DARS1: variants seen among roughly 807,000 people sequenced by gnomAD.
The protein encoded by DARS1 is aspartate--tRNA ligase, cytoplasmic.
DARS1 carries 51 observed loss-of-function variants against 68.8 expected under a neutral mutation model. The observed-to-expected ratio is 0.74, with a 90% CI of 0.59 to 0.94. DARS1 has a LOEUF of 0.94. Among genes scored for constraint, DARS1 ranks in the 40% least tolerant of loss-of-function variants. The pLI, the probability that DARS1 is intolerant of heterozygous loss-of-function variation, is 0.00. For synonymous variants in DARS1, 203 were observed against 190.4 expected, an observed-to-expected ratio of 1.07 and a Z score of -0.55; for missense variants, 607 against 597.3, an observed-to-expected ratio of 1.02 and a Z score of -0.17.
rs976537190 is a variant in DARS1 at position 135,906,716 on chromosome 2, A to G, written c.*600T>C. On this transcript the variant is annotated 3_prime_UTR_variant, in exon 16 of 16. Transcript: ENST00000264161. ...AAATTTTATTGAAATTCAAGTTTAG[A>G]ATTTAACAAATTAATACAATATTAC... 1.3e-5 allele frequency: 2 copies of G among 152,230 alleles called. No homozygotes were observed. The highest frequency in any genetic ancestry group is 4.8e-5 in the African/African-American group (2 of 41,464). The allele number at this position is 152,230 out of a possible 1,614,324, so 9.4% of individuals were successfully genotyped here. A position where few individuals can be genotyped will look rare whatever the true frequency, so the allele number is the denominator to read the frequency against.
At chr2:135,941,193 G>A (rs1681587609) in intron 5 of DARS1, among the ~76,000 whole-genome samples, 1 of 152,164 alleles carries the variant, frequency 6.6e-6, no homozygotes, top group Admixed American at 6.5e-5. Context: ...AAAAGAGCCT[G>A]CATTGCGAAG....
intron 7 of DARS1, 115 bp downstream of exon 7, chr2:135,932,668 C>T (rs534935821): frequency 6.5e-6 from 4 of 611,090 alleles, no homozygotes; most frequent in Admixed American, 5.4e-5. Flanking sequence ...CCTGTATTAT[C>T]ATACTTACAG....
At chr2:135,936,851 T>A (rs116503734) in intron 5 of DARS1, among the ~76,000 whole-genome samples, 265 of 152,310 alleles carry the variant, frequency 1.7e-3, no homozygotes, top group African/African-American at 5.2e-3. Context: ...CTTAAATCAG[T>A]AAGTACATAT....
intron 12 of DARS1, among the ~76,000 whole-genome samples, chr2:135,913,097 T>C (rs1470697086): frequency 6.6e-6 from 1 of 151,870 alleles, no homozygotes; most frequent in African/African-American, 2.4e-5. Context: ...TTCTCCCCCA[T>C]TCTAAATTAC....
chr2:135,942,117 C>G (rs1249464350), intron 5 of DARS1, among the ~76,000 whole-genome samples: 2 of 152,164 alleles, frequency 1.3e-5, no homozygotes, highest in East Asian at 3.9e-4. Context: ...GGATCTAGAA[C>G]TAGAAATACC....
chr2:135,964,995 G>A (rs1409590208), intron 3 of DARS1, among the ~76,000 whole-genome samples: 2 of 151,824 alleles, frequency 1.3e-5, no homozygotes, highest in Non-Finnish European at 2.9e-5. Flanking sequence ...AACAGTCTAT[G>A]AGCATATTGT....
At position 135,932,822 on chromosome 2, in the gene DARS1, G is replaced by T; in HGVS notation, c.525C>A (p.Asn175Lys). Reference sequence around the variant, plus strand: ...CTCTGTTGTCTAATCTTGTATCCTGGTTAACAGTAGCTCTTCCTTCCTAAA... The same window carrying T: ...CTCTGTTGTCTAATCTTGTATCCTGTTTAACAGTAGCTCTTCCTTCCTAAA... ...EGEEEGRATV[N>K]QDTRLDNRVI... Residue 175 changes from asparagine (N) to lysine (K), a missense_variant, in exon 7 of 16, where the codon AAC becomes AAA. By Grantham distance (94) the Asn-to-Lys change is moderately conservative (BLOSUM62 0). Transcript: ENST00000264161. 4 of 1,317,138 alleles carry T rather than the reference G, an allele frequency of 3.0e-6. No individual in the cohort carries two copies. The highest frequency in any genetic ancestry group is 1.5e-5 in the African/African-American group (1 of 67,574). The allele number at this position is 1,317,138 out of a possible 1,614,324, so 81.6% of individuals were successfully genotyped here.
intron 3 of DARS1, among the ~76,000 whole-genome samples, chr2:135,963,155 G>GAAAAAAAAGTA (rs1169498691): frequency 6.6e-6 from 1 of 151,788 alleles, no homozygotes; most frequent in Non-Finnish European, 1.5e-5. Flanking sequence ...GTGTCTGGTA[G>GAAAAAAAAGTA]AAAAAAAAGT....
At chr2:135,961,324 T>C (rs1275560661) in intron 4 of DARS1, 72 bp downstream of exon 4, 3 of 797,788 alleles carry the variant, frequency 3.8e-6, no homozygotes, top group Admixed American at 2.0e-5. Flanking sequence ...TGTATGAAAA[T>C]GGTCCAAACC....
rs150084512 is a variant in DARS1, at chr2:135,964,795, C to T, written c.218-3297G>A. 9.3e-3 allele frequency among the ~76,000 whole-genome samples: 1,213 copies of T among 129,748 alleles called. 14 individuals are homozygous for T. Among genetic ancestry groups the T allele is most frequent in the African/African-American group, 0.032 (1,064 of 33,370 alleles). 85.1% of individuals were successfully genotyped at this position (129,748 alleles called of 152,430 possible). A position where few individuals can be genotyped will look rare whatever the true frequency, so the allele number is the denominator to read the frequency against. ...GGCGGAGGTTGCAATGAGCTGAGATCGTGTCACTGCACTCCAGCCTGGGTA... is the reference window on the plus strand; with the variant it reads ...GGCGGAGGTTGCAATGAGCTGAGATTGTGTCACTGCACTCCAGCCTGGGTA... On this transcript the variant is annotated intron_variant, in intron 3 of 15. Coordinates refer to ENST00000264161, the MANE Select transcript of DARS1 (RefSeq NM_001349.4).
At chr2:135,909,741 C>G (rs1680858641) in intron 15 of DARS1, among the ~76,000 whole-genome samples, 1 of 152,154 alleles carries the variant, frequency 6.6e-6, no homozygotes, top group Non-Finnish European at 1.5e-5. Context: ...TACATTGCTA[C>G]AAATGACAGG....
intron 3 of DARS1, among the ~76,000 whole-genome samples, chr2:135,974,504 T>C (rs1682453324): frequency 6.6e-6 from 1 of 152,244 alleles, no homozygotes; most frequent in African/African-American, 2.4e-5. Flanking sequence ...GAAAAAGGTC[T>C]GATAAAATTC....
chr2:135,957,795 C>T, intron 4 of DARS1, among the ~76,000 whole-genome samples: 1 of 152,142 alleles, frequency 6.6e-6, no homozygotes, highest in Non-Finnish European at 1.5e-5. Flanking sequence ...TAAATAAGTT[C>T]TGTCATGTTA....
chr2:135,945,533 T>G (rs1681701743), intron 4 of DARS1, among the ~76,000 whole-genome samples: 1 of 151,704 alleles, frequency 6.6e-6, no homozygotes, highest in Non-Finnish European at 1.5e-5. Flanking sequence ...TAGGTCCAAT[T>G]AAAGCAAAAA....
intron 3 of DARS1, among the ~76,000 whole-genome samples, chr2:135,961,922 A>G (rs1239810612): frequency 2.6e-5 from 4 of 152,202 alleles, no homozygotes; most frequent in Non-Finnish European, 5.9e-5. Flanking sequence ...GCAACCACAA[A>G]AGTGCTAACA....
intron 6 of DARS1, 95 bp from the exon 7 acceptor site, chr2:135,932,937 G>C (rs1681384818): frequency 3.0e-6 from 2 of 671,354 alleles, no homozygotes; most frequent in Admixed American, 5.3e-5. Flanking sequence ...ACTTTTAATT[G>C]AGTAGGATGT....
At chr2:135,953,116 G>C (rs1386810874) in intron 4 of DARS1, among the ~76,000 whole-genome samples, 1 of 152,112 alleles carries the variant, frequency 6.6e-6, no homozygotes, top group Non-Finnish European at 1.5e-5. Flanking sequence ...GTTAGTTTTA[G>C]GAATGCGTAT....
chr2:135,907,274 C>A lies in DARS1; in HGVS notation c.*42G>T. The stretch of plus-strand genomic sequence containing the variant: ...TTTTTTTTTTTTTGAGGCAGGGTCT[C>A]GCTCTGTCATCCACACTGGAGTTAA... On this transcript the variant is annotated 3_prime_UTR_variant, in exon 16 of 16. Coordinates refer to ENST00000264161, the MANE Select transcript of DARS1 (RefSeq NM_001349.4). 2 of 862,736 alleles carry A rather than the reference C, an allele frequency of 2.3e-6. No homozygotes were observed. Among genetic ancestry groups the A allele is most frequent in the Non-Finnish European group, 3.2e-6 (2 of 615,508 alleles). The allele number at this position is 862,736 out of a possible 1,614,324, so 53.4% of individuals were successfully genotyped here.
intron 2 of DARS1, among the ~76,000 whole-genome samples, chr2:135,982,580 A>T (rs1417177434): frequency 1.3e-5 from 2 of 151,324 alleles, no homozygotes; most frequent in Non-Finnish European, 2.9e-5. Flanking sequence ...TGGGCGACAG[A>T]GCGAGCCTCT....
Sources: gnomAD v4.1 joint callset for allele counts (sites outside exome capture counted in the v4.1 genomes callset) on GRCh38, gnomAD v4.1.1 for gene constraint, MANE v1.5 for transcripts, NCBI Gene and HGNC (gene_info 2026-07-23, HGNC 2026-07-21) for gene names.